The following ABR variants were observed in gnomAD, a reference collection of about 807,000 sequenced individuals.
ABR encodes the protein ABR activator of RhoGEF and GTPase, also known as active breakpoint cluster region-related protein.
ABR carries 35 observed loss-of-function variants against 107.2 expected under a neutral mutation model. The observed-to-expected ratio is 0.33, with a 90% CI of 0.25 to 0.43. ABR has a LOEUF of 0.43. ABR is among the 20% of genes least tolerant of loss of function. ABR has a pLI of 1.00. For synonymous variants in ABR, 498 were observed against 462.0 expected (o/e 1.08, Z -1.00); for missense variants, 815 against 1,115.2 (o/e 0.73, Z 3.83).
intron 1 of ABR, among the ~76,000 whole-genome samples, chr17:1,205,107 A>G (rs1055959712): frequency 1.3e-5 from 2 of 151,900 alleles, no homozygotes; most frequent in African/African-American, 4.8e-5. Flanking sequence ...TCACCATGTA[A>G]GCCAGGCAGC....
intron 3 of ABR, among the ~76,000 whole-genome samples, chr17:1,094,985 C>G (rs1419659943): frequency 6.6e-6 from 1 of 152,246 alleles, no homozygotes; most frequent in Non-Finnish European, 1.5e-5. Flanking sequence ...GGACATGGAA[C>G]TAGCTTCAGG....
chr17:1,195,520 T>C (rs1186921115), intron 1 of ABR, among the ~76,000 whole-genome samples: 2 of 151,634 alleles, frequency 1.3e-5, no homozygotes, highest in Non-Finnish European at 2.9e-5. Context: ...TTAAAGAAAA[T>C]TATTGGCTGG....
At chr17:1,047,924 G>A (rs533629632) in intron 16 of ABR, among the ~76,000 whole-genome samples, 10 of 152,336 alleles carry the variant, frequency 6.6e-5, no homozygotes, top group African/African-American at 2.2e-4. Context: ...GGGGCCCACC[G>A]TGCCCACGGG....
In ABR at chr17:1,129,212, G is replaced by A. The variant is rs561300579; in HGVS notation, c.62-3845C>T. ...GAGGGCAAGGGGAGGGAGAGCATTA[G>A]GACAAATACCTAATGCACGAGGGGC... On this transcript the variant is annotated intron_variant, in intron 1 of 22. Coordinates refer to ENST00000302538, the MANE Select transcript of ABR (RefSeq NM_021962.5). Among the ~76,000 whole-genome samples, 48 of 152,270 alleles carry A rather than the reference G, an allele frequency of 3.2e-4. 1 individual carries two copies. The highest frequency in any genetic ancestry group is 1.1e-3 in the African/African-American group (45 of 41,562).
chr17:1,148,205 G>C lies in ABR; in HGVS notation c.62-22838C>G, dbSNP rs572411554. 1.3e-5 allele frequency among the ~76,000 whole-genome samples: 2 copies of C among 152,230 alleles called. No individual in the cohort carries two copies. Among genetic ancestry groups the C allele is most frequent in the Non-Finnish European group, 2.9e-5 (2 of 68,038 alleles). On this transcript the variant is annotated intron_variant, in intron 1 of 22. Transcript: ENST00000302538. This position sits in a 1 kb window ranked among gnomAD's most constrained non-coding sequence, Gnocchi z 4.9. Reference sequence around the variant, plus strand: ...AACAGAAACACCTCAAGTGTCTATGGGTGGATGAATGGATACACAAAACGC... The same window carrying C: ...AACAGAAACACCTCAAGTGTCTATGCGTGGATGAATGGATACACAAAACGC...
chr17:1,099,898 C>T (rs539658232), intron 3 of ABR, among the ~76,000 whole-genome samples: 3 of 152,140 alleles, frequency 2.0e-5, no homozygotes, highest in South Asian at 2.1e-4. Flanking sequence ...GAGGCCAAGG[C>T]GGGCAGATCA....
intron 6 of ABR, among the ~76,000 whole-genome samples, chr17:1,074,314 C>T (rs961558487): frequency 2.0e-5 from 3 of 147,978 alleles, no homozygotes; most frequent in South Asian, 2.1e-4. Context: ...CCATGCCCTG[C>T]AGAGTCTAGC....
At chr17:1,117,932 T>TC (rs2039108298) in intron 2 of ABR, among the ~76,000 whole-genome samples, 13 of 66,930 alleles carry the variant, frequency 1.9e-4, no homozygotes, top group East Asian at 3.9e-4. Flanking sequence ...CCTGAGTTCC[T>TC]CCCAGCGTTA....
chr17:1,141,933 T>C (rs541991164), intron 1 of ABR, among the ~76,000 whole-genome samples: 4 of 152,062 alleles, frequency 2.6e-5, no homozygotes, highest in African/African-American at 9.6e-5. Flanking sequence ...TAATTTTGTA[T>C]TTTTAGTAGA....
intron 2 of ABR, among the ~76,000 whole-genome samples, chr17:1,118,273 T>C (rs1597878616): frequency 1.1e-5 from 1 of 87,612 alleles, no homozygotes. Context: ...TCCCTGAGCC[T>C]GAGTCCTCCC....
At position 1,193,941 on chromosome 17, in the gene ABR, A is replaced by G. The variant is rs559869719; in HGVS notation, c.838+34852T>C. Among the ~76,000 whole-genome samples the G allele has an allele frequency of 3.8e-4, 58 of 151,928 alleles. 1 individual carries two copies. In the South Asian group the frequency reaches 5.0e-3, roughly 13 times the overall value. ...GATCTCCTGACCTCGTGATCTGCCC[A>G]CCTTGGCCTCTCAAAGTGCTGGGAT... On this transcript the variant is annotated intron_variant, in intron 1 of 22. Transcript: ENST00000574139.
chr17:1,054,572 G>C (rs541580531), intron 14 of ABR, among the ~76,000 whole-genome samples: 26 of 100,102 alleles, frequency 2.6e-4, no homozygotes, highest in African/African-American at 1.1e-3. Context: ...AAGAACCTGA[G>C]GGGATGGGGG....
chr17:1,215,770 T>C (rs901510499), intron 1 of ABR, among the ~76,000 whole-genome samples: 1 of 152,046 alleles, frequency 6.6e-6, no homozygotes, highest in Non-Finnish European at 1.5e-5. Context: ...AGAAATCGGA[T>C]TGTTGCTGTG....
intron 4 of ABR, among the ~76,000 whole-genome samples, chr17:1,090,825 C>A (rs896325271): frequency 1.3e-5 from 2 of 152,200 alleles, no homozygotes; most frequent in African/African-American, 4.8e-5. Context: ...AGAGAAGAAC[C>A]GCGGCCTGGA....
At chr17:1,142,899 G>A (rs926665766) in intron 1 of ABR, among the ~76,000 whole-genome samples, 1 of 152,166 alleles carries the variant, frequency 6.6e-6, no homozygotes, top group African/African-American at 2.4e-5. Flanking sequence ...CCCCTCATTA[G>A]CCCAGCAAAG....
At chr17:1,174,089 G>A (rs948923111) in intron 1 of ABR, among the ~76,000 whole-genome samples, 1 of 152,174 alleles carries the variant, frequency 6.6e-6, no homozygotes, top group Non-Finnish European at 1.5e-5. Context: ...GTGAGGCAGA[G>A]CCTCCCCGCC....
At position 1,050,386 on chromosome 17, in the gene ABR, C is replaced by T; in HGVS notation, c.1659+151G>A. 2.1e-6 allele frequency: 2 copies of T among 940,764 alleles called. No homozygotes were observed. The highest frequency in any genetic ancestry group is 3.0e-5 in the South Asian group (2 of 65,914). 58.3% of individuals were successfully genotyped at this position (940,764 alleles called of 1,614,324 possible). On this transcript the variant is annotated intron_variant, in intron 15 of 22. Transcript: ENST00000302538. This position sits in a 1 kb window ranked among gnomAD's most constrained non-coding sequence, Gnocchi z 4.6. ...GACACCACAGGGTCTGACACCCAGA[C>T]ACACACCGCGATCAGAAGCCAGAGG...
At position 1,073,179 on chromosome 17, in the gene ABR, C is replaced by CAAA. The variant is rs35495689; in HGVS notation, c.754-428_754-426dup. On this transcript the variant is annotated intron_variant, in intron 7 of 22. Transcript: ENST00000302538. Reference sequence around the variant, plus strand: ...TGGGTGACAGAGTGAGACTCCGCCTCAAAAAAAAAAAAAAAAAAAAAAAAT... The same window carrying CAAA: ...TGGGTGACAGAGTGAGACTCCGCCTCAAAAAAAAAAAAAAAAAAAAAAAAAAAT... Among the ~76,000 whole-genome samples the CAAA allele has an allele frequency of 8.6e-3, 456 of 53,068 alleles. 11 individuals are homozygous for CAAA. The highest frequency in any genetic ancestry group is 0.029 in the African/African-American group (365 of 12,806). 34.8% of individuals were successfully genotyped at this position (53,068 alleles called of 152,430 possible).
chr17:1,031,072 G>A (rs979451537), intron 16 of ABR, among the ~76,000 whole-genome samples: 70 of 152,302 alleles, frequency 4.6e-4, no homozygotes, highest in Middle Eastern at 3.4e-3. Context: ...GGTGCCCGGC[G>A]GGCACTGGGC....
Sources: gnomAD v4.1 joint callset for allele counts (sites outside exome capture counted in the v4.1 genomes callset) on GRCh38, gnomAD v4.1.1 for gene constraint, Gnocchi (gnomAD v3.1) non-coding constraint, MANE v1.5 for transcripts, NCBI Gene and HGNC (gene_info 2026-07-23, HGNC 2026-07-21) for gene names.